The following ZNRF3 variants were observed in gnomAD, a reference collection of about 807,000 sequenced individuals.
The protein encoded by ZNRF3 is E3 ubiquitin-protein ligase ZNRF3.
Under a neutral mutation model 72.5 loss-of-function variants are expected in ZNRF3, and 23 were observed. The ratio of observed to expected loss-of-function variants is 0.32; its 90% CI spans 0.23 to 0.45. The LOEUF (loss-of-function observed/expected upper bound fraction) is 0.45, where lower values mean the gene tolerates loss of function less well. Ranked by LOEUF, ZNRF3 falls within the 20% of genes least tolerant of loss-of-function variation. The pLI, the probability that ZNRF3 is intolerant of heterozygous loss-of-function variation, is 1.00. For synonymous variants in ZNRF3, 610 were observed against 545.3 expected, an observed-to-expected ratio of 1.12 and a Z score of -1.65; for missense variants, 1,169 against 1,272.1, an observed-to-expected ratio of 0.92 and a Z score of 1.23.
chr22:28,947,120 T>C (rs1002289428), intron 1 of ZNRF3, among the ~76,000 whole-genome samples: 2 of 152,230 alleles, frequency 1.3e-5, no homozygotes, highest in African/African-American at 4.8e-5. Context: ...CTTTTAACAC[T>C]TTATTTTGAA....
chr22:28,885,637 C>T (rs1411950436), intron 1 of ZNRF3, among the ~76,000 whole-genome samples: 3 of 141,992 alleles, frequency 2.1e-5, no homozygotes, highest in Admixed American at 2.1e-4. Context: ...TGGCACTTGA[C>T]TTTTTGAAGG....
At chr22:28,896,489 C>A (rs770836517) in intron 1 of ZNRF3, among the ~76,000 whole-genome samples, 2 of 152,244 alleles carry the variant, frequency 1.3e-5, no homozygotes, top group African/African-American at 4.8e-5. Flanking sequence ...GTCTCAAACT[C>A]CTGACCTCAA....
chr22:28,886,398 T>C (rs1569233772), intron 1 of ZNRF3, among the ~76,000 whole-genome samples: 1 of 152,212 alleles, frequency 6.6e-6, no homozygotes, highest in Non-Finnish European at 1.5e-5. Flanking sequence ...AATCATGTTT[T>C]CTAAGTAACC....
intron 2 of ZNRF3, among the ~76,000 whole-genome samples, chr22:29,014,375 G>C (rs2123854900): frequency 6.6e-6 from 1 of 152,274 alleles, no homozygotes; most frequent in East Asian, 1.9e-4. Context: ...CAGTCCCCCG[G>C]CCTGCAGGAG....
intron 2 of ZNRF3, among the ~76,000 whole-genome samples, chr22:29,022,907 T>G (rs1230698909): frequency 6.6e-6 from 1 of 152,216 alleles, no homozygotes; most frequent in African/African-American, 2.4e-5. Flanking sequence ...AAGTATAATT[T>G]GGTTACATGG....
At chr22:29,039,784 CAAAAA>C (rs397976678) in intron 2 of ZNRF3, among the ~76,000 whole-genome samples, 47 of 85,328 alleles carry the variant, frequency 5.5e-4, no homozygotes, top group African/African-American at 2.0e-3. Context: ...TCGTCTCTAC[CAAAAA>C]AAAAAAAAAA....
chr22:28,904,319 G>A (rs1050926875), intron 1 of ZNRF3, among the ~76,000 whole-genome samples: 1 of 152,150 alleles, frequency 6.6e-6, no homozygotes, highest in Non-Finnish European at 1.5e-5. Flanking sequence ...TTAAGAGCTC[G>A]AACAATCTTG....
In ZNRF3 at chr22:29,049,894, C is replaced by T. The variant is rs1194161169; in HGVS notation, c.1713C>T (p.Cys571=). ...HCSSSDSVVD[C]TEVSNQGVYG... ...CCTCCAGTGACTCTGTGGTAGACTGCACTGAGGTCAGCAACCAGGGCGTGT... is the reference window on the plus strand; with the variant it reads ...CCTCCAGTGACTCTGTGGTAGACTGTACTGAGGTCAGCAACCAGGGCGTGT... The change falls in exon 8 of 9, where the codon TGC becomes TGT. Residue 571 remains cysteine, a synonymous_variant. Coordinates refer to ENST00000544604, the MANE Select transcript of ZNRF3 (RefSeq NM_001206998.2). This position sits in a 1 kb window ranked among gnomAD's most constrained non-coding sequence, Gnocchi z 5.2. The T allele has an allele frequency of 8.1e-6, 13 of 1,602,830 alleles. No individual in the cohort carries two copies. The highest frequency in any genetic ancestry group is 1.3e-5 in the African/African-American group (1 of 74,708).
intron 1 of ZNRF3, among the ~76,000 whole-genome samples, chr22:28,909,747 ATTTTTTTTTTTT>A (rs11432409): frequency 8.8e-6 from 1 of 113,890 alleles, no homozygotes; most frequent in Non-Finnish European, 1.8e-5. Context: ...TGCCTGGCTA[ATTTTTTTTTTTT>A]TTTTTTTTTT....
intron 1 of ZNRF3, among the ~76,000 whole-genome samples, chr22:28,942,357 A>G (rs893142667): frequency 6.6e-6 from 1 of 152,210 alleles, no homozygotes; most frequent in Non-Finnish European, 1.5e-5. Context: ...TGGACAAGAA[A>G]AAAGACCTGG....
chr22:28,931,269 C>T (rs375456685), intron 1 of ZNRF3, among the ~76,000 whole-genome samples: 12 of 152,192 alleles, frequency 7.9e-5, no homozygotes, highest in African/African-American at 2.9e-4. Flanking sequence ...TTAGATAAAT[C>T]TTGCACTGAT....
At chr22:28,978,082 A>G (rs78256368) in intron 1 of ZNRF3, among the ~76,000 whole-genome samples, 1,700 of 152,340 alleles carry the variant, frequency 0.011, 41 homozygotes, top group African/African-American at 0.039. Flanking sequence ...GAGGAAGTTG[A>G]AGAAAGTTCA....
chr22:28,970,479 C>T (rs1424172017), intron 1 of ZNRF3, among the ~76,000 whole-genome samples: 1 of 152,192 alleles, frequency 6.6e-6, no homozygotes, highest in African/African-American at 2.4e-5. Context: ...CAACATACAC[C>T]TACCATGTGA....
rs1164255029 is a variant in ZNRF3, at chr22:28,893,531, T to G, written c.300+9465T>G. On this transcript the variant is annotated intron_variant, in intron 1 of 8. Transcript: ENST00000544604. Reference sequence around the variant, plus strand: ...TTTTTTTTTCGAGACAAGTTCTGGCTCTATCGCCCAGGCTGGAGTGCAGTG... The same window carrying G: ...TTTTTTTTTCGAGACAAGTTCTGGCGCTATCGCCCAGGCTGGAGTGCAGTG... Among the ~76,000 whole-genome samples the G allele has an allele frequency of 2.0e-5, 3 of 151,516 alleles. No individual in the cohort carries two copies. The East Asian group carries it at 5.8e-4, about 29-fold the overall frequency.
intron 1 of ZNRF3, among the ~76,000 whole-genome samples, chr22:28,971,782 C>T (rs1338741174): frequency 2.0e-5 from 3 of 152,148 alleles, no homozygotes; most frequent in Non-Finnish European, 4.4e-5. Flanking sequence ...GATAGGTCAC[C>T]TGTCACCTTG....
At chr22:28,939,758 G>A (rs2034908489) in intron 1 of ZNRF3, among the ~76,000 whole-genome samples, 1 of 152,102 alleles carries the variant, frequency 6.6e-6, no homozygotes, top group African/African-American at 2.4e-5. Context: ...ACCAGATGCT[G>A]TAGAAAGGGT....
chr22:29,054,489 G>A lies in ZNRF3; in HGVS notation c.*867G>A, dbSNP rs1490092328. The A allele has an allele frequency of 3.9e-5, 6 of 152,586 alleles. No individual in the cohort carries two copies. The highest frequency in any genetic ancestry group is 2.0e-4 in the Admixed American group (3 of 15,300). The allele number at this position is 152,586 out of a possible 1,614,324, so 9.5% of individuals were successfully genotyped here. On this transcript the variant is annotated 3_prime_UTR_variant, in exon 9 of 9. Transcript: ENST00000544604. ...GTAAGGGCATGTTCTTGGGGCCCTC[G>A]ACCTGAACTCTGACCCTCCGGGCAG...
chr22:29,048,208 T>C lies in ZNRF3; in HGVS notation c.913-181T>C, dbSNP rs2037109783. 6.6e-6 allele frequency among the ~76,000 whole-genome samples: 1 copy of C among 152,166 alleles called. No homozygotes were observed. Among genetic ancestry groups the C allele is most frequent in the African/African-American group, 2.4e-5 (1 of 41,434 alleles). ...TGGGGCTGACTGCTGGCAGTTTCCT[T>C]CTTCCTAGAACACATGGGTGGGCCC... is the stretch of plus-strand genomic sequence containing the variant. On this transcript the variant is annotated intron_variant, in intron 6 of 8. Coordinates refer to ENST00000544604, the MANE Select transcript of ZNRF3 (RefSeq NM_001206998.2). The surrounding 1 kb of genome is among the most constrained non-coding windows in gnomAD (Gnocchi z 4.9).
At position 29,049,533 on chromosome 22, in the gene ZNRF3, T is replaced by G; in HGVS notation, c.1352T>G (p.Leu451Trp). The G allele has an allele frequency of 6.2e-7, 1 of 1,604,666 alleles. No individual in the cohort carries two copies. Among genetic ancestry groups the G allele is most frequent in the Non-Finnish European group, 8.5e-7 (1 of 1,178,496 alleles). ...SPAHPFRRPK[L>W]SGRSFSKAAC... ...GCCCACCCCTTCCGCAGGCCCAAGTTGAGTGGCCGCAGCTTCTCCAAGGCA... is the reference window on the plus strand; with the variant it reads ...GCCCACCCCTTCCGCAGGCCCAAGTGGAGTGGCCGCAGCTTCTCCAAGGCA... The change falls in exon 8 of 9, where the codon TTG (leucine) becomes TGG (tryptophan). Residue 451 changes from leucine to tryptophan, a missense_variant. Leu to Trp is a moderately conservative substitution (Grantham distance 61). This residue lies in a region of ZNRF3 where 783 missense variants were observed against 731.4 expected (regional missense o/e 1.07). Transcript: ENST00000544604. The surrounding 1 kb of genome is among the most constrained non-coding windows in gnomAD (Gnocchi z 5.2).
Sources: gnomAD v4.1 joint callset for allele counts (sites outside exome capture counted in the v4.1 genomes callset) on GRCh38, gnomAD v4.1.1 for gene constraint, gnomAD v4.1.1 regional missense constraint, Gnocchi (gnomAD v3.1) non-coding constraint, MANE v1.5 for transcripts, NCBI Gene and HGNC (gene_info 2026-07-23, HGNC 2026-07-21) for gene names.